INPP4B: variants seen among roughly 807,000 people sequenced by gnomAD.
INPP4B encodes the protein inositol polyphosphate-4-phosphatase type II B.
In INPP4B, 55 loss-of-function variants were observed where a neutral mutation model predicts 122.5. That is an observed-to-expected ratio of 0.45 (90% CI 0.36 to 0.56). INPP4B has a LOEUF of 0.56. Ranked by LOEUF, INPP4B falls within the 20% of genes least tolerant of loss-of-function variation. The pLI is 0.00. For synonymous variants in INPP4B, 403 were observed against 388.7 expected (o/e 1.04, Z -0.43); for missense variants, 1,000 against 1,097.7 (o/e 0.91, Z 1.26).
At chr4:142,051,672 G>C (rs1163306158) in intron 25 of INPP4B, among the ~76,000 whole-genome samples, 21 of 151,976 alleles carry the variant, frequency 1.4e-4, no homozygotes. Flanking sequence ...GGTTTTAAAA[G>C]ACATTTAAAG....
intron 11 of INPP4B, among the ~76,000 whole-genome samples, chr4:142,258,721 C>T (rs150608562): frequency 0.056 from 8,585 of 151,992 alleles, 788 homozygotes; most frequent in African/African-American, 0.19. Flanking sequence ...TTGGAGAGGA[C>T]GTGGAGAAAT....
intron 2 of INPP4B, among the ~76,000 whole-genome samples, chr4:142,558,223 C>G (rs1560798011): frequency 6.6e-6 from 1 of 152,148 alleles, no homozygotes; most frequent in Non-Finnish European, 1.5e-5. Flanking sequence ...AGATTTTGAG[C>G]TCAGTCTGTG....
At chr4:142,668,560 C>T (rs1214643215) in intron 2 of INPP4B, among the ~76,000 whole-genome samples, 6 of 152,092 alleles carry the variant, frequency 3.9e-5, no homozygotes, top group African/African-American at 1.4e-4. Flanking sequence ...CTTAAATTGT[C>T]CCTGTTTGCA....
At chr4:142,566,063 CAT>C (rs1357431352) in intron 2 of INPP4B, 5 of 151,746 alleles carry the variant, frequency 3.3e-5, no homozygotes, top group East Asian at 1.9e-4. Flanking sequence ...TACGTACACT[CAT>C]ATGTGTTAGA....
chr4:142,481,133 C>CAAAA lies in INPP4B; in HGVS notation c.-190-18411_-190-18408dup, dbSNP rs551228788. The stretch of plus-strand genomic sequence containing the variant: ...CTGGCAACAGAGCGAGACTCTGTCT[C>CAAAA]AAAAAAAAAAAAAAAAAAAAAAAGT... On this transcript the variant is annotated intron_variant, in intron 2 of 25. Transcript: ENST00000262992. 2.2e-4 allele frequency among the ~76,000 whole-genome samples: 13 copies of CAAAA among 57,850 alleles called. 1 individual carries two copies. Among genetic ancestry groups the CAAAA allele is most frequent in the Admixed American group, 5.5e-4 (3 of 5,456 alleles). The allele number at this position is 57,850 out of a possible 152,430, so 38.0% of individuals were successfully genotyped here.
chr4:142,165,560 T>C (rs954078181), intron 16 of INPP4B, among the ~76,000 whole-genome samples: 7 of 151,692 alleles, frequency 4.6e-5, no homozygotes, highest in Non-Finnish European at 8.8e-5. Context: ...TTTAGTAAAG[T>C]CCCCCAGAAG....
intron 2 of INPP4B, among the ~76,000 whole-genome samples, chr4:142,637,000 G>T (rs972979108): frequency 1.3e-5 from 2 of 151,764 alleles, no homozygotes; most frequent in African/African-American, 4.8e-5. Flanking sequence ...CTGCTAAATG[G>T]GTCATACTCT....
chr4:142,250,346 G>A (rs900828087), intron 11 of INPP4B, among the ~76,000 whole-genome samples: 14 of 152,262 alleles, frequency 9.2e-5, no homozygotes, highest in South Asian at 4.1e-4. Context: ...GAATAGTGAC[G>A]AACTGATATA....
At chr4:142,093,894 G>GA (rs3841998) in intron 23 of INPP4B, among the ~76,000 whole-genome samples, 96,762 of 151,772 alleles carry the variant, frequency 0.64, 32,683 homozygotes, top group Non-Finnish European at 0.75. Context: ...ATAGCAAAAG[G>GA]AAAAAAACAA....
At chr4:142,174,669 G>A (rs1167730805) in intron 15 of INPP4B, among the ~76,000 whole-genome samples, 1 of 151,800 alleles carries the variant, frequency 6.6e-6, no homozygotes, top group Non-Finnish European at 1.5e-5. Context: ...CTGTCACCCA[G>A]GCTGTAGTAC....
At chr4:142,759,838 A>G (rs1771055867) in intron 1 of INPP4B, among the ~76,000 whole-genome samples, 1 of 149,236 alleles carries the variant, frequency 6.7e-6, no homozygotes, top group Non-Finnish European at 1.5e-5. Flanking sequence ...AAAAAAAAAA[A>G]AAAAAAAAAA....
At chr4:142,055,256 A>C (rs1757000056) in intron 25 of INPP4B, among the ~76,000 whole-genome samples, 1 of 152,116 alleles carries the variant, frequency 6.6e-6, no homozygotes, top group African/African-American at 2.4e-5. Flanking sequence ...ATGGTTTATT[A>C]ATTAATAATG....
At chr4:142,733,246 C>A (rs891434709) in intron 1 of INPP4B, among the ~76,000 whole-genome samples, 1 of 152,018 alleles carries the variant, frequency 6.6e-6, no homozygotes, top group East Asian at 1.9e-4. Flanking sequence ...TGGGGCAGAT[C>A]GTGATTTCTT....
intron 25 of INPP4B, among the ~76,000 whole-genome samples, chr4:142,055,884 A>G (rs1845967): frequency 0.81 from 123,448 of 151,642 alleles, 52,396 homozygotes; most frequent in Non-Finnish European, 0.92. Flanking sequence ...TTTCTATTAC[A>G]TTGTGATATA....
intron 2 of INPP4B, chr4:142,660,707 G>A (rs1755013197): frequency 6.6e-6 from 1 of 152,050 alleles, no homozygotes; most frequent in South Asian, 2.1e-4. Context: ...GGATTTTTGA[G>A]CTGTCCTTAC....
At chr4:142,834,192 G>A (rs760814614) in intron 1 of INPP4B, among the ~76,000 whole-genome samples, 1 of 151,876 alleles carries the variant, frequency 6.6e-6, no homozygotes, top group Non-Finnish European at 1.5e-5. Context: ...AAGTATGCAG[G>A]GAATAAATTA....
At chr4:142,327,934 A>G (rs1773039730) in intron 7 of INPP4B, among the ~76,000 whole-genome samples, 1 of 152,158 alleles carries the variant, frequency 6.6e-6, no homozygotes, top group African/African-American at 2.4e-5. Flanking sequence ...ACCCTCTCCT[A>G]TGTTGCCTAA....
intron 2 of INPP4B, among the ~76,000 whole-genome samples, chr4:142,470,105 T>C (rs1818545783): frequency 6.6e-6 from 1 of 152,036 alleles, no homozygotes; most frequent in Non-Finnish European, 1.5e-5. Context: ...AATTCTACTT[T>C]TGAAGCTTAT....
chr4:142,519,609 A>C (rs1442680088), intron 2 of INPP4B, among the ~76,000 whole-genome samples: 1 of 152,166 alleles, frequency 6.6e-6, no homozygotes, highest in African/African-American at 2.4e-5. Flanking sequence ...TTCCTTCAGC[A>C]GCAGAAAATT....
Sources: allele counts gnomAD v4.1 joint callset (sites outside exome capture counted in the v4.1 genomes callset), GRCh38; gene constraint gnomAD v4.1.1; transcripts MANE v1.5; gene names NCBI Gene and HGNC (gene_info 2026-07-23, HGNC 2026-07-21).